PDE10A: variants seen among roughly 807,000 people sequenced by gnomAD.
PDE10A encodes cAMP and cAMP-inhibited cGMP 3',5'-cyclic phosphodiesterase 10A.
In PDE10A, 39 loss-of-function variants were observed where a neutral mutation model predicts 97.7. The ratio of observed to expected loss-of-function variants is 0.40; its 90% CI spans 0.31 to 0.52. The LOEUF is 0.52. Among genes scored for constraint, PDE10A ranks in the 20% least tolerant of loss-of-function variants. PDE10A has a pLI of 0.56. For missense variants in PDE10A, 731 were observed against 1,047.8 expected (o/e 0.70, Z 4.17); for synonymous variants, 371 against 376.8 (o/e 0.98, Z 0.18).
intron 1 of PDE10A, among the ~76,000 whole-genome samples, chr6:165,649,358 G>A (rs1789562944): frequency 6.6e-6 from 1 of 152,112 alleles, no homozygotes; most frequent in Non-Finnish European, 1.5e-5. Flanking sequence ...AAACCAAGGG[G>A]GAAGAGTCAG....
intron 3 of PDE10A, among the ~76,000 whole-genome samples, chr6:165,462,044 G>T (rs569456503): frequency 6.6e-6 from 1 of 152,338 alleles, no homozygotes; most frequent in South Asian, 2.1e-4. Flanking sequence ...TCTTCTGCCT[G>T]TGTTAAATGT....
intron 3 of PDE10A, among the ~76,000 whole-genome samples, chr6:165,464,965 T>C (rs1268399245): frequency 6.6e-6 from 1 of 152,248 alleles, no homozygotes; most frequent in African/African-American, 2.4e-5. Context: ...AAGCCTGCTA[T>C]GAACATTCTT....
intron 1 of PDE10A, among the ~76,000 whole-genome samples, chr6:165,558,959 T>A (rs947149668): frequency 4.8e-4 from 68 of 142,044 alleles, no homozygotes; most frequent in African/African-American, 1.9e-3. Context: ...AATAAAAAAA[T>A]ATAAATAAAT....
At chr6:165,956,600 T>C (rs1784140126) in intron 1 of PDE10A, among the ~76,000 whole-genome samples, 1 of 152,230 alleles carries the variant, frequency 6.6e-6, no homozygotes, top group South Asian at 2.1e-4. Flanking sequence ...TTCAAGCAAA[T>C]GTGAGAAATA....
intron 1 of PDE10A, among the ~76,000 whole-genome samples, chr6:165,867,825 A>G (rs1781101259): frequency 6.6e-6 from 1 of 152,194 alleles, no homozygotes; most frequent in South Asian, 2.1e-4. Flanking sequence ...AATATTAAGT[A>G]TCTTCTCAGA....
chr6:165,389,366 A>G (rs1024208807), intron 16 of PDE10A, among the ~76,000 whole-genome samples: 1 of 152,182 alleles, frequency 6.6e-6, no homozygotes, highest in African/African-American at 2.4e-5. Context: ...AGAGCTTTAG[A>G]CCAGGATAAT....
intron 1 of PDE10A, among the ~76,000 whole-genome samples, chr6:165,577,954 C>A (rs1013810298): frequency 3.3e-5 from 5 of 152,190 alleles, no homozygotes; most frequent in Admixed American, 6.5e-5. Flanking sequence ...ATGGGCCCTG[C>A]CACTCCTTGC....
At chr6:165,736,561 C>T (rs557952301) in intron 1 of PDE10A, among the ~76,000 whole-genome samples, 29 of 152,228 alleles carry the variant, frequency 1.9e-4, no homozygotes, top group African/African-American at 6.7e-4. Flanking sequence ...GCTCTTTGAC[C>T]AATGGATCAA....
chr6:165,717,735 T>C (rs1006269227), intron 1 of PDE10A, among the ~76,000 whole-genome samples: 4 of 152,246 alleles, frequency 2.6e-5, no homozygotes, highest in African/African-American at 9.6e-5. Context: ...TTGCACTGTT[T>C]TACATTCCCA....
intron 1 of PDE10A, among the ~76,000 whole-genome samples, chr6:165,915,558 C>T (rs901449665): frequency 9.9e-5 from 15 of 152,126 alleles, no homozygotes; most frequent in African/African-American, 3.6e-4. Context: ...TCCTCCCCTG[C>T]TGGGAGTGGA....
At chr6:165,797,152 G>A (rs1040277506) in intron 1 of PDE10A, among the ~76,000 whole-genome samples, 17 of 152,182 alleles carry the variant, frequency 1.1e-4, no homozygotes, top group African/African-American at 2.9e-4. Flanking sequence ...TTCAGATGAC[G>A]TGTTGAGCAA....
At chr6:165,698,396 G>C (rs9459482) in intron 1 of PDE10A, among the ~76,000 whole-genome samples, 13,429 of 152,172 alleles carry the variant, frequency 0.088, 1,338 homozygotes, top group African/African-American at 0.24. Context: ...AAAAGAACAG[G>C]CAACGCAAGC....
chr6:165,432,203 G>A (rs951642217), intron 7 of PDE10A, among the ~76,000 whole-genome samples: 2 of 152,192 alleles, frequency 1.3e-5, no homozygotes, highest in South Asian at 2.1e-4. Context: ...ATTAGATAGT[G>A]ACAGGTGCTA....
chr6:165,638,446 AAATGAT>A (rs1462926064), intron 1 of PDE10A, among the ~76,000 whole-genome samples: 1 of 152,232 alleles, frequency 6.6e-6, no homozygotes, highest in Non-Finnish European at 1.5e-5. Context: ...TTTAAAATAA[AAATGAT>A]TTAATTTTCT....
chr6:165,624,437 G>A (rs1409755419), intron 1 of PDE10A, among the ~76,000 whole-genome samples: 1 of 152,190 alleles, frequency 6.6e-6, no homozygotes, highest in Non-Finnish European at 1.5e-5. Context: ...AATTTCAAGA[G>A]ACAAAACTTT....
chr6:165,492,505 C>G (rs1191346161), intron 2 of PDE10A, among the ~76,000 whole-genome samples: 2 of 152,162 alleles, frequency 1.3e-5, no homozygotes, highest in African/African-American at 2.4e-5. Flanking sequence ...CCTCCATGAT[C>G]AAGTGGGTTT....
chr6:165,809,311 T>G lies in PDE10A; in HGVS notation c.-615+178218A>C, dbSNP rs557555688. Among the ~76,000 whole-genome samples the G allele has an allele frequency of 1.2e-4, 18 of 152,230 alleles. 2 individuals carry two copies. In the South Asian group the frequency reaches 3.7e-3, roughly 32 times the overall value. On this transcript the variant is annotated intron_variant, in intron 1 of 19. Transcript: ENST00000366882. Reference sequence around the variant, plus strand: ...CCCTGTCCCTGCCCTCTACAGTCAGTCCTCCTCCCTGCTGCAACTTGACCA... The same window carrying G: ...CCCTGTCCCTGCCCTCTACAGTCAGGCCTCCTCCCTGCTGCAACTTGACCA...
intron 13 of PDE10A, among the ~76,000 whole-genome samples, chr6:165,406,260 G>GTGTGTGTGTGTT (rs1562431563): frequency 4.0e-5 from 6 of 150,152 alleles, no homozygotes; most frequent in African/African-American, 1.5e-4. Context: ...GTGTGTGTGT[G>GTGTGTGTGTGTT]TTTCTGTGTG....
intron 5 of PDE10A, among the ~76,000 whole-genome samples, chr6:165,442,655 G>A (rs1338863723): frequency 1.3e-5 from 2 of 152,100 alleles, no homozygotes; most frequent in Non-Finnish European, 2.9e-5. Context: ...TCCTTCCCTT[G>A]ATATGTGATG....
Sources: gnomAD v4.1 joint callset for allele counts (sites outside exome capture counted in the v4.1 genomes callset) on GRCh38, gnomAD v4.1.1 for gene constraint, MANE v1.5 for transcripts, NCBI Gene and HGNC (gene_info 2026-07-23, HGNC 2026-07-21) for gene names.